The following TRPC1 variants were observed in gnomAD, a reference collection of about 807,000 sequenced individuals.
TRPC1 encodes the protein transient receptor potential cation channel subfamily C member 1.
Under a neutral mutation model 88.2 loss-of-function variants are expected in TRPC1, and 42 were observed. The ratio of observed to expected loss-of-function variants is 0.48; its 90% confidence interval spans 0.37 to 0.62. The LOEUF is 0.62. Ranked by LOEUF, TRPC1 falls within the 20% of genes least tolerant of loss-of-function variation. TRPC1 has a pLI of 0.00. For missense variants in TRPC1, 699 were observed against 957.3 expected (o/e 0.73, Z 3.56); for synonymous variants, 288 against 331.8 (o/e 0.87, Z 1.43).
chr3:142,784,610 C>A, intron 6 of TRPC1, 94 bp from the exon 7 acceptor site: 2 of 996,234 alleles, frequency 2.0e-6, no homozygotes, highest in Non-Finnish European at 2.9e-6. Flanking sequence ...GATTTTTAAA[C>A]TCTTATTCAG....
intron 2 of TRPC1, among the ~76,000 whole-genome samples, chr3:142,736,799 CAT>C (rs1934155548): frequency 6.6e-6 from 1 of 152,068 alleles, no homozygotes. Context: ...ATTTTCCCCA[CAT>C]GACTTATTAA....
chr3:142,748,753 A>T (rs1273106440), intron 4 of TRPC1, among the ~76,000 whole-genome samples: 1 of 152,228 alleles, frequency 6.6e-6, no homozygotes, highest in Non-Finnish European at 1.5e-5. Flanking sequence ...ATCCAAGAGA[A>T]GTTCCAAGTC....
At chr3:142,804,926 C>T (rs1365657217) in intron 12 of TRPC1, among the ~76,000 whole-genome samples, 2 of 151,938 alleles carry the variant, frequency 1.3e-5, no homozygotes, top group Non-Finnish European at 2.9e-5. Context: ...CCTGGTGAAA[C>T]CCCATCTCTA....
At chr3:142,740,768 CAA>C (rs1934315190) in intron 2 of TRPC1, among the ~76,000 whole-genome samples, 1 of 152,076 alleles carries the variant, frequency 6.6e-6, no homozygotes, top group Admixed American at 6.6e-5. Context: ...CTTTGATTTG[CAA>C]AGTTTGACAC....
chr3:142,738,450 G>C (rs1449960319), intron 2 of TRPC1, among the ~76,000 whole-genome samples: 1 of 152,220 alleles, frequency 6.6e-6, no homozygotes, highest in Non-Finnish European at 1.5e-5. Context: ...TATTTGGTAA[G>C]TGTTGAGTGG....
At chr3:142,725,751 A>G (rs1933647880) in intron 1 of TRPC1, among the ~76,000 whole-genome samples, 1 of 150,084 alleles carries the variant, frequency 6.7e-6, no homozygotes, top group Non-Finnish European at 1.5e-5. Flanking sequence ...CTATGAAAAG[A>G]CTAACTACAC....
intron 4 of TRPC1, among the ~76,000 whole-genome samples, chr3:142,751,332 C>A (rs529905629): frequency 1.9e-4 from 29 of 152,132 alleles, no homozygotes; most frequent in African/African-American, 7.0e-4. Flanking sequence ...TTTACTGTAC[C>A]TTTTCTATGT....
Position 142,806,807 on chromosome 3 carries a change from T to C in TRPC1, c.*572T>C, listed in dbSNP as rs1410727867. On this transcript the variant is annotated 3_prime_UTR_variant, in exon 13 of 13. Coordinates refer to ENST00000476941, the MANE Select transcript of TRPC1 (RefSeq NM_001251845.2). The stretch of plus-strand genomic sequence containing the variant: ...ATTTGAATCTATTTATGTCTTTCAA[T>C]TTAAATTCACTTCAGTTTTTGTTAT... The C allele has an allele frequency of 1.3e-5, 2 of 152,048 alleles. No homozygotes were observed. The highest frequency in any genetic ancestry group is 4.8e-5 in the African/African-American group (2 of 41,454). The allele number at this position is 152,048 out of a possible 1,614,324, so 9.4% of individuals were successfully genotyped here. A position where few individuals can be genotyped will look rare whatever the true frequency, so the allele number is the denominator to read the frequency against.
chr3:142,773,652 T>G (rs577065386), intron 4 of TRPC1, among the ~76,000 whole-genome samples: 1 of 143,882 alleles, frequency 7.0e-6, no homozygotes, highest in African/African-American at 2.6e-5. Context: ...CCTTAATTTT[T>G]TGGTTGGAAA....
rs1361834069 is a variant in TRPC1 at position 142,724,546 on chromosome 3, C to T, written c.-14C>T. ...CCGCCCCCGTCTCCTGGCCTGCCCCCTTCATGGGCCGCGATGATGGCGGCC... is the reference window on the plus strand; with the variant it reads ...CCGCCCCCGTCTCCTGGCCTGCCCCTTTCATGGGCCGCGATGATGGCGGCC... On this transcript the variant is annotated 5_prime_UTR_variant, in exon 1 of 13. Coordinates refer to ENST00000476941, the MANE Select transcript of TRPC1 (RefSeq NM_001251845.2). This position sits in a 1 kb window ranked among gnomAD's most constrained non-coding sequence, Gnocchi z 5.6. The T allele has an allele frequency of 6.4e-6, 10 of 1,555,712 alleles. No homozygotes were observed. The highest frequency in any genetic ancestry group is 5.9e-5 in the South Asian group (5 of 85,086).
chr3:142,781,794 ATTAC>A (rs1180897279), intron 6 of TRPC1, among the ~76,000 whole-genome samples: 4 of 152,140 alleles, frequency 2.6e-5, no homozygotes, highest in African/African-American at 4.8e-5. Flanking sequence ...TTTATTAGGT[ATTAC>A]TTCTAAGACT....
Position 142,780,858 on chromosome 3 carries a change from G to T in TRPC1, c.789G>T (p.Arg263=), listed in dbSNP as rs1485490288. The T allele has an allele frequency of 3.1e-6, 5 of 1,611,092 alleles. No individual in the cohort carries two copies. The highest frequency in any genetic ancestry group is 4.2e-6 in the Non-Finnish European group (5 of 1,178,656). Residue 263 remains arginine, a synonymous_variant, in exon 6 of 13, where the codon CGG becomes CGT. Coordinates refer to ENST00000476941, the MANE Select transcript of TRPC1 (RefSeq NM_001251845.2). ...GGAATGATTATGAGGAACTAGCCCG[G>T]CAATGTAAAATGTTTGCTAAGGATT... ...EFRNDYEELA[R]QCKMFAKDLL...
Position 142,765,481 on chromosome 3 carries a change from C to T in TRPC1, c.633-12151C>T, listed in dbSNP as rs544733455. ...ACAACACAAAAACAGACATATAGAC[C>T]GATGGAACAGAATAGAGAATCCAGA... On this transcript the variant is annotated intron_variant, in intron 4 of 12. Coordinates refer to ENST00000476941, the MANE Select transcript of TRPC1 (RefSeq NM_001251845.2). 3.7e-4 allele frequency among the ~76,000 whole-genome samples: 57 copies of T among 152,162 alleles called. 1 individual carries two copies. The highest frequency in any genetic ancestry group is 2.1e-3 in the Admixed American group (32 of 15,280).
At position 142,804,493 on chromosome 3, in the gene TRPC1, G is replaced by A. The variant is rs1207525380; in HGVS notation, c.2017G>A (p.Asp673Asn). ...ARAKLWLSYF[D>N]DKCTLPPPFN... ...AGCAAAATTATGGCTTAGCTACTTT[G>A]ATGACAAATGTACGTTACCTCCACC... The change falls in exon 12 of 13, where the codon GAT becomes AAT. Residue 673 changes from aspartate (D) to asparagine (N), a missense_variant. By Grantham distance (23) the Asp-to-Asn change is conservative (BLOSUM62 1). Coordinates refer to ENST00000476941, the MANE Select transcript of TRPC1 (RefSeq NM_001251845.2). 6.2e-7 allele frequency: 1 copy of A among 1,613,266 alleles called. No homozygotes were observed. The highest frequency in any genetic ancestry group is 2.2e-5 in the East Asian group (1 of 44,830).
At chr3:142,732,227 T>C (rs1184643272) in intron 1 of TRPC1, among the ~76,000 whole-genome samples, 1 of 151,956 alleles carries the variant, frequency 6.6e-6, no homozygotes, top group African/African-American at 2.4e-5. Flanking sequence ...CCCACCTGAG[T>C]TTGCTAAAGG....
rs147360095 is a variant in TRPC1, at chr3:142,798,763, C to A, written c.1582-3406C>A. Among the ~76,000 whole-genome samples the A allele has an allele frequency of 1.2e-3, 176 of 152,238 alleles. 1 individual carries two copies. Among genetic ancestry groups the A allele is most frequent in the Non-Finnish European group, 1.9e-3 (131 of 67,996 alleles). On this transcript the variant is annotated intron_variant, in intron 9 of 12. Coordinates refer to ENST00000476941, the MANE Select transcript of TRPC1 (RefSeq NM_001251845.2). ...GCCTGGGTGACTTGTTTAGATAGAACTTTTGGACAGATAATTATGGCTTTA... is the reference window on the plus strand; with the variant it reads ...GCCTGGGTGACTTGTTTAGATAGAAATTTTGGACAGATAATTATGGCTTTA...
chr3:142,766,093 A>G (rs1412774363), intron 4 of TRPC1, among the ~76,000 whole-genome samples: 4 of 152,130 alleles, frequency 2.6e-5, no homozygotes, highest in East Asian at 1.9e-4. Flanking sequence ...TTATGTGTCT[A>G]TATTTACATC....
At chr3:142,780,343 A>T (rs960429433) in intron 5 of TRPC1, among the ~76,000 whole-genome samples, 1 of 152,188 alleles carries the variant, frequency 6.6e-6, no homozygotes, top group African/African-American at 2.4e-5. Flanking sequence ...TTTAAATATG[A>T]ATCAAAATGC....
In TRPC1 at chr3:142,743,564, GATC is replaced by G. The variant is rs1158867523; in HGVS notation, c.412_414del (p.Ser138del). The G allele has an allele frequency of 2.6e-6, 4 of 1,522,362 alleles. No homozygotes were observed. Among genetic ancestry groups the G allele is most frequent in the East Asian group, 2.5e-5 (1 of 40,324 alleles). The allele number at this position is 1,522,362 out of a possible 1,614,324, so 94.3% of individuals were successfully genotyped here. ...ATACTACTTAATCATCGACCAAAAC[GATC>G]ATCAAGACCAACTATAGTAGTTAGT... On this transcript the variant is annotated inframe_deletion, in exon 3 of 13. Transcript: ENST00000476941.
Sources: gnomAD v4.1 joint callset for allele counts (sites outside exome capture counted in the v4.1 genomes callset) on GRCh38, gnomAD v4.1.1 for gene constraint, Gnocchi (gnomAD v3.1) non-coding constraint, MANE v1.5 for transcripts, NCBI Gene and HGNC (gene_info 2026-07-23, HGNC 2026-07-21) for gene names.